SLC5A4: variants seen among roughly 807,000 people sequenced by gnomAD.
SLC5A4 encodes the protein solute carrier family 5 member 4.
SLC5A4 carries 55 observed loss-of-function variants against 70.3 expected under a neutral mutation model. That is an observed-to-expected ratio of 0.78 (90% CI 0.63 to 0.98). The LOEUF is 0.98. Ranked by LOEUF, SLC5A4 falls within the 50% of genes least tolerant of loss-of-function variation. The pLI is 0.00. For synonymous variants in SLC5A4, 268 were observed against 305.7 expected, an observed-to-expected ratio of 0.88 and a Z score of 1.29; for missense variants, 735 against 839.2, an observed-to-expected ratio of 0.88 and a Z score of 1.53.
the SLC5A4 span, among the ~76,000 whole-genome samples, chr22:32,307,609 T>A: frequency 6.6e-6 from 1 of 152,200 alleles, no homozygotes; most frequent in Non-Finnish European, 1.5e-5. Flanking sequence ...CCTGACTGCT[T>A]AACATTTGAG....
chr22:32,272,561 GTACAGC>G, the SLC5A4 span: 2 of 645,164 alleles, frequency 3.1e-6, no homozygotes, highest in Non-Finnish European at 5.7e-6. Context: ...CCCTGGAGGT[GTACAGC>G]GTGGACTTCA....
chr22:32,233,482 T>C (rs1473565471), intron 8 of SLC5A4, among the ~76,000 whole-genome samples: 1 of 151,936 alleles, frequency 6.6e-6, no homozygotes, highest in Non-Finnish European at 1.5e-5. Flanking sequence ...AAGAAGACAA[T>C]AGGCAATACT....
chr22:32,313,846 C>G, the SLC5A4 span, among the ~76,000 whole-genome samples: 1 of 152,138 alleles, frequency 6.6e-6, no homozygotes, highest in African/African-American at 2.4e-5. Flanking sequence ...ATCTTGCATG[C>G]ATGAGAATGA....
chr22:32,219,252 A>G (rs948332409), intron 14 of SLC5A4, among the ~76,000 whole-genome samples: 1 of 152,208 alleles, frequency 6.6e-6, no homozygotes, highest in African/African-American at 2.4e-5. Context: ...CAAGTCCCCT[A>G]TGGAGGGGAA....
At chr22:32,316,014 A>G in the SLC5A4 span, among the ~76,000 whole-genome samples, 1 of 151,720 alleles carries the variant, frequency 6.6e-6, no homozygotes, top group Admixed American at 6.6e-5. Context: ...TAAAAATACA[A>G]ATAAATTAGC....
the SLC5A4 span, among the ~76,000 whole-genome samples, chr22:32,266,632 A>T: frequency 2.8e-4 from 42 of 152,340 alleles, no homozygotes; most frequent in Non-Finnish European, 4.7e-4. Context: ...CCCTTAAAAA[A>T]TGTGGGGTTT....
At chr22:32,220,143 A>G (rs192084134) in intron 14 of SLC5A4, among the ~76,000 whole-genome samples, 1 of 152,292 alleles carries the variant, frequency 6.6e-6, no homozygotes, top group Admixed American at 6.5e-5. Context: ...CATAAAATGG[A>G]AAAATGGGCT....
At chr22:32,302,153 T>C in the SLC5A4 span, among the ~76,000 whole-genome samples, 4 of 152,088 alleles carry the variant, frequency 2.6e-5, no homozygotes, top group African/African-American at 4.8e-5. Context: ...TCAAAATTAT[T>C]TGCCCTTTGT....
At chr22:32,245,251 T>A (rs1926752507) in intron 5 of SLC5A4, among the ~76,000 whole-genome samples, 1 of 152,206 alleles carries the variant, frequency 6.6e-6, no homozygotes, top group African/African-American at 2.4e-5. Flanking sequence ...CTAAGGTTAA[T>A]CATTATTAAT....
the SLC5A4 span, among the ~76,000 whole-genome samples, chr22:32,354,482 C>CA: frequency 8.6e-3 from 1,290 of 149,498 alleles, 8 homozygotes; most frequent in Non-Finnish European, 0.013. Flanking sequence ...CCACCGCAGG[C>CA]AGAGTAGCAC....
chr22:32,268,152 A>G, the SLC5A4 span: 1 of 152,124 alleles, frequency 6.6e-6, no homozygotes, highest in African/African-American at 2.4e-5. Context: ...ATGTATTTAT[A>G]TTGTGTTTCA....
the SLC5A4 span, among the ~76,000 whole-genome samples, chr22:32,312,029 T>C: frequency 1.6e-3 from 247 of 152,202 alleles, 1 homozygote; most frequent in African/African-American, 5.6e-3. Context: ...AGGGGGTTAA[T>C]CATACCTGCC....
chr22:32,263,897 C>T, the SLC5A4 span, among the ~76,000 whole-genome samples: 13,490 of 152,162 alleles, frequency 0.089, 625 homozygotes, highest in South Asian at 0.12. Flanking sequence ...ATGTCCTTTG[C>T]AGGGACATGG....
the SLC5A4 span, among the ~76,000 whole-genome samples, chr22:32,302,273 A>G: frequency 6.9e-6 from 1 of 144,004 alleles, no homozygotes; most frequent in African/African-American, 2.6e-5. Context: ...GTGTCTAGCT[A>G]CTAGTCCTTT....
At chr22:32,274,744 A>G in the SLC5A4 span, among the ~76,000 whole-genome samples, 2 of 152,260 alleles carry the variant, frequency 1.3e-5, no homozygotes, top group African/African-American at 4.8e-5. Flanking sequence ...TAAAAAGACA[A>G]ATTCAGAGGT....
At chr22:32,325,207 TG>T in the SLC5A4 span, among the ~76,000 whole-genome samples, 310 of 152,372 alleles carry the variant, frequency 2.0e-3, 2 homozygotes, top group African/African-American at 7.3e-3. Flanking sequence ...TCGCCAGGCC[TG>T]GGCTGGGTGC....
the SLC5A4 span, among the ~76,000 whole-genome samples, chr22:32,313,169 C>A: frequency 6.6e-6 from 1 of 152,126 alleles, no homozygotes; most frequent in East Asian, 1.9e-4. Context: ...ATGGAGAGTG[C>A]ATACATAGAG....
At chr22:32,292,137 ATAT>A in the SLC5A4 span, among the ~76,000 whole-genome samples, 1 of 65,244 alleles carries the variant, frequency 1.5e-5, no homozygotes, top group Admixed American at 2.0e-4. Context: ...TAGATATTAT[ATAT>A]TATATTCTAT....
chr22:32,271,268 T>C, the SLC5A4 span: 2 of 766,802 alleles, frequency 2.6e-6, no homozygotes, highest in African/African-American at 3.4e-5. Flanking sequence ...GACAGCTCCT[T>C]TGGAGAGCCC....
Sources: allele counts gnomAD v4.1 joint callset (sites outside exome capture counted in the v4.1 genomes callset), GRCh38; gene constraint gnomAD v4.1.1; transcripts MANE v1.5; gene names NCBI Gene and HGNC (gene_info 2026-07-23, HGNC 2026-07-21).